The following KIF24 variants were observed in gnomAD, a reference collection of about 807,000 sequenced individuals.
KIF24 encodes kinesin family member 24.
KIF24 carries 81 observed loss-of-function variants against 118.9 expected under a neutral mutation model. That is an observed-to-expected ratio of 0.68 (90% CI 0.57 to 0.82). KIF24 has a LOEUF of 0.82. Among genes scored for constraint, KIF24 ranks in the 40% least tolerant of loss-of-function variants. The probability of loss-of-function intolerance (pLI) is 0.00; values close to 1 mark genes in which losing one functional copy is unlikely to be tolerated. For synonymous variants in KIF24, 599 were observed against 610.0 expected, an observed-to-expected ratio of 0.98 and a Z score of 0.27; for missense variants, 1,560 against 1,661.6, an observed-to-expected ratio of 0.94 and a Z score of 1.06.
At chr9:34,297,248 A>T (rs1216221344) in intron 3 of KIF24, 134 bp from the exon 4 acceptor site, 2 of 571,036 alleles carry the variant, frequency 3.5e-6, no homozygotes, top group African/African-American at 3.7e-5. Context: ...TTAGAGGTAA[A>T]TAAGCAATCA....
At position 34,320,343 on chromosome 9, in the gene KIF24, A is replaced by G. The variant is rs540927451; in HGVS notation, c.-26+8763T>C. Among the ~76,000 whole-genome samples, 8 of 151,572 alleles carry G rather than the reference A, an allele frequency of 5.3e-5. No homozygotes were observed. In the East Asian group the frequency reaches 1.2e-3, roughly 22 times the overall value. On this transcript the variant is annotated intron_variant, in intron 1 of 12. Transcript: ENST00000402558. The stretch of plus-strand genomic sequence containing the variant: ...ATAAAATGTTCCAACAAAAAAAAAA[A>G]AAAAAGAAAAAGAAAAGAAATAGGC...
chr9:34,302,638 G>GT (rs1291150288), intron 3 of KIF24, among the ~76,000 whole-genome samples: 2 of 147,438 alleles, frequency 1.4e-5, no homozygotes, highest in African/African-American at 5.0e-5. Context: ...GCTAATTTTT[G>GT]TATTTTTAAA....
upstream of KIF24, among the ~76,000 whole-genome samples, chr9:34,330,929 C>A (rs1837908227): frequency 6.6e-6 from 1 of 152,056 alleles, no homozygotes; most frequent in South Asian, 2.1e-4. Flanking sequence ...CCACTGCACT[C>A]CAGCCTGGGC....
intron 8 of KIF24, among the ~76,000 whole-genome samples, chr9:34,264,083 AC>A (rs1835194113): frequency 6.6e-6 from 1 of 151,920 alleles, no homozygotes; most frequent in Non-Finnish European, 1.5e-5. Context: ...GGGAGGAGAG[AC>A]CTTCTATTTC....
chr9:34,290,074 A>G (rs1425890895), intron 5 of KIF24, 100 bp downstream of exon 5: 6 of 773,628 alleles, frequency 7.8e-6, no homozygotes, highest in Non-Finnish European at 1.1e-5. Context: ...GCACTAATGT[A>G]CCAAAGCATC....
rs1837397391 is a variant in KIF24 at position 34,318,376 on chromosome 9, C to T, written c.-25-7005G>A. On this transcript the variant is annotated intron_variant, in intron 1 of 12. Transcript: ENST00000402558. The surrounding 1 kb of genome is among the most constrained non-coding windows in gnomAD (Gnocchi z 4.9). ...CTTGACCTAGCCCTGACAGGTCCATCGTGGTGCACGCAAACCACCTCCCAG... is the reference window on the plus strand; with the variant it reads ...CTTGACCTAGCCCTGACAGGTCCATTGTGGTGCACGCAAACCACCTCCCAG... 3.9e-6 allele frequency: 2 copies of T among 510,966 alleles called. No homozygotes were observed. Among genetic ancestry groups the T allele is most frequent in the African/African-American group, 1.9e-5 (1 of 51,890 alleles). 31.7% of individuals were successfully genotyped at this position (510,966 alleles called of 1,614,324 possible).
intron 6 of KIF24, among the ~76,000 whole-genome samples, chr9:34,284,034 GA>G (rs1421856741): frequency 2.6e-5 from 4 of 152,120 alleles, no homozygotes; most frequent in Non-Finnish European, 4.4e-5. Context: ...TTGGGAGGCT[GA>G]GGTGAGAGGA....
At chr9:34,333,204 C>T (rs1348178757), upstream of KIF24, among the ~76,000 whole-genome samples, 1 of 152,182 alleles carries the variant, frequency 6.6e-6, no homozygotes, top group African/African-American at 2.4e-5. Context: ...CTACATTTTA[C>T]CCCTCCTTCA....
At chr9:34,285,756 CA>C (rs1439567673) in intron 6 of KIF24, among the ~76,000 whole-genome samples, 2 of 120,488 alleles carry the variant, frequency 1.7e-5, no homozygotes, top group African/African-American at 6.5e-5. Flanking sequence ...GCCTAGGTGA[CA>C]AAGTGAGACT....
intron 4 of KIF24, among the ~76,000 whole-genome samples, chr9:34,291,791 CAA>C (rs71506178): frequency 7.1e-6 from 1 of 140,376 alleles, no homozygotes; most frequent in African/African-American, 2.6e-5. Flanking sequence ...CTGCTTGCAG[CAA>C]AAAAAAAAAA....
Position 34,318,601 on chromosome 9 carries a change from C to A in KIF24, c.-25-7230G>T. The A allele has an allele frequency of 6.9e-7, 1 of 1,450,498 alleles. No homozygotes were observed. Among genetic ancestry groups the A allele is most frequent in the Non-Finnish European group, 9.5e-7 (1 of 1,047,896 alleles). 89.9% of individuals were successfully genotyped at this position (1,450,498 alleles called of 1,614,324 possible). A position where few individuals can be genotyped will look rare whatever the true frequency, so the allele number is the denominator to read the frequency against. On this transcript the variant is annotated intron_variant, in intron 1 of 12. Transcript: ENST00000402558. This position sits in a 1 kb window ranked among gnomAD's most constrained non-coding sequence, Gnocchi z 4.9. ...TGGCCAAGGACCAGGCGGTGGAGAA[C>A]ATCCTGGTGTCGCCCGTGGTGGTGG...
At chr9:34,270,900 G>T (rs373082065) in intron 7 of KIF24, among the ~76,000 whole-genome samples, 2 of 148,182 alleles carry the variant, frequency 1.3e-5, no homozygotes, top group East Asian at 4.1e-4. Context: ...GACAGATGTC[G>T]CAGCCAGATC....
At chr9:34,307,875 A>G (rs560621420) in intron 2 of KIF24, among the ~76,000 whole-genome samples, 30 of 152,004 alleles carry the variant, frequency 2.0e-4, no homozygotes, top group South Asian at 1.0e-3. Flanking sequence ...AAAAAAAAAA[A>G]AAAAGAAAAA....
At chr9:34,272,969 C>T (rs1835559604) in intron 6 of KIF24, among the ~76,000 whole-genome samples, 1 of 152,148 alleles carries the variant, frequency 6.6e-6, no homozygotes. Flanking sequence ...TGGTGGCTCA[C>T]ACCTGTAATC....
chr9:34,264,919 GC>G (rs1414368429), intron 8 of KIF24, among the ~76,000 whole-genome samples: 1 of 152,170 alleles, frequency 6.6e-6, no homozygotes, highest in Admixed American at 6.6e-5. Context: ...ATGAGGAAGA[GC>G]TCTATGTACA....
rs1450683133 is a variant in KIF24, at chr9:34,257,890, T to A, written c.1717A>T (p.Ser573Cys). ...SGNSSPKRIQ[S>C]SPGALSEDKC... ...TCCTCTGACAAAGCCCCAGGGGAGC[T>A]CTGAATTCGTTTTGGAGAGGAGTTT... The change falls in exon 11 of 13, where the codon AGC (serine) becomes TGC (cysteine). Residue 573 changes from serine (S) to cysteine (C), a missense_variant. Around this residue, in one of 3 missense-constraint regions of KIF24, gnomAD observed 964 missense variants for 988.0 expected, o/e 0.98. Transcript: ENST00000402558. 6.2e-7 allele frequency: 1 copy of A among 1,613,878 alleles called. No homozygotes were observed. Among genetic ancestry groups the A allele is most frequent in the South Asian group, 1.1e-5 (1 of 91,094 alleles).
Position 34,324,992 on chromosome 9 carries a change from T to G in KIF24, c.-26+4114A>C, listed in dbSNP as rs140774103. Reference sequence around the variant, plus strand: ...TATATTAATAATTATTATATGATAATTATTTGATTATGTCTATTTCCCCTA... The same window carrying G: ...TATATTAATAATTATTATATGATAAGTATTTGATTATGTCTATTTCCCCTA... On this transcript the variant is annotated intron_variant, in intron 1 of 12. Transcript: ENST00000402558. 1.2e-4 allele frequency among the ~76,000 whole-genome samples: 18 copies of G among 152,200 alleles called. No homozygotes were observed. In the East Asian group the frequency reaches 3.5e-3, roughly 29 times the overall value.
At chr9:34,259,195 A>T (rs1011555487) in intron 10 of KIF24, among the ~76,000 whole-genome samples, 4 of 152,204 alleles carry the variant, frequency 2.6e-5, no homozygotes, top group Non-Finnish European at 5.9e-5. Context: ...GATAGCTCTA[A>T]GTGATTCTGC....
At chr9:34,280,832 G>GAT (rs1240575357) in intron 6 of KIF24, among the ~76,000 whole-genome samples, 2 of 152,056 alleles carry the variant, frequency 1.3e-5, no homozygotes, top group Non-Finnish European at 2.9e-5. Flanking sequence ...CTTAGAAAAA[G>GAT]ATATATACCA....
Sources: gnomAD v4.1 joint callset for allele counts (sites outside exome capture counted in the v4.1 genomes callset) on GRCh38, gnomAD v4.1.1 for gene constraint, gnomAD v4.1.1 regional missense constraint, Gnocchi (gnomAD v3.1) non-coding constraint, MANE v1.5 for transcripts, NCBI Gene and HGNC (gene_info 2026-07-23, HGNC 2026-07-21) for gene names.